Variants in ATE1 observed in about 807,000 individuals in gnomAD.
ATE1 encodes the protein arginyl-tRNA--protein transferase 1.
In ATE1, 36 loss-of-function variants were observed where a neutral mutation model predicts 70.5. The ratio of observed to expected loss-of-function variants is 0.51; its 90% confidence interval spans 0.39 to 0.67. The LOEUF is 0.67. Ranked by LOEUF, ATE1 falls within the 30% of genes least tolerant of loss-of-function variation. The pLI is 0.00. For missense variants in ATE1, 593 were observed against 629.5 expected (o/e 0.94, Z 0.62); for synonymous variants, 232 against 219.3 (o/e 1.06, Z -0.51).
intron 5 of ATE1, among the ~76,000 whole-genome samples, chr10:121,904,533 T>C (rs1354012378): frequency 6.7e-6 from 1 of 148,492 alleles, no homozygotes; most frequent in African/African-American, 2.5e-5. Flanking sequence ...CCCAGCTACT[T>C]GGGAGGCTGA....
chr10:121,925,972 G>A (rs1037106215), intron 1 of ATE1, among the ~76,000 whole-genome samples: 5 of 151,998 alleles, frequency 3.3e-5, no homozygotes, highest in African/African-American at 1.2e-4. Context: ...TTGGGAGGCC[G>A]AGGCGGGTAG....
At chr10:121,871,486 CAGACT>C (rs1455790244) in intron 7 of ATE1, among the ~76,000 whole-genome samples, 1 of 152,004 alleles carries the variant, frequency 6.6e-6, no homozygotes, top group Non-Finnish European at 1.5e-5. Flanking sequence ...TAAGATAAAA[CAGACT>C]AGACATGACA....
At chr10:121,874,458 C>T (rs1341667283) in intron 7 of ATE1, among the ~76,000 whole-genome samples, 1 of 152,114 alleles carries the variant, frequency 6.6e-6, no homozygotes, top group African/African-American at 2.4e-5. Flanking sequence ...ACACAGCTAG[C>T]GCCCATTTAA....
intron 10 of ATE1, among the ~76,000 whole-genome samples, chr10:121,823,958 G>T (rs752113179): frequency 2.6e-5 from 4 of 152,140 alleles, no homozygotes; most frequent in Admixed American, 6.5e-5. Context: ...GCAAACTCTG[G>T]GCAAGCTAAC....
intron 11 of ATE1, among the ~76,000 whole-genome samples, chr10:121,776,362 G>GC (rs1435791765): frequency 2.7e-5 from 4 of 150,926 alleles, no homozygotes; most frequent in African/African-American, 9.8e-5. Flanking sequence ...TCAGTCATTG[G>GC]CCTCATGAAT....
At chr10:121,927,327 CTTTT>C in intron 1 of ATE1, 1 of 811,686 alleles carries the variant, frequency 1.2e-6, no homozygotes, top group Non-Finnish European at 1.5e-6. Flanking sequence ...GTTTCTTGTC[CTTTT>C]TTTTTTTAAC....
At chr10:121,885,132 G>A (rs546706137) in intron 7 of ATE1, among the ~76,000 whole-genome samples, 6 of 151,916 alleles carry the variant, frequency 3.9e-5, no homozygotes, top group South Asian at 2.1e-4. Context: ...GTGGTGGCAC[G>A]TGCCTGTAAT....
At chr10:121,800,567 T>C (rs1335878415) in intron 10 of ATE1, among the ~76,000 whole-genome samples, 1 of 152,214 alleles carries the variant, frequency 6.6e-6, no homozygotes, top group Non-Finnish European at 1.5e-5. Context: ...GCAGTCTATT[T>C]TGAAAGTTCA....
At chr10:121,747,447 C>G (rs1195081230) in intron 11 of ATE1, among the ~76,000 whole-genome samples, 1 of 152,132 alleles carries the variant, frequency 6.6e-6, no homozygotes, top group Non-Finnish European at 1.5e-5. Flanking sequence ...ATTTTCCCCC[C>G]AAACCTCTCC....
intron 8 of ATE1, among the ~76,000 whole-genome samples, chr10:121,855,656 AG>A (rs1345129353): frequency 1.3e-5 from 2 of 152,232 alleles, no homozygotes; most frequent in African/African-American, 4.8e-5. Context: ...GCTCTTAAAC[AG>A]AAGAGCTCTG....
At chr10:121,871,360 G>T (rs1399857379) in intron 7 of ATE1, among the ~76,000 whole-genome samples, 1 of 152,174 alleles carries the variant, frequency 6.6e-6, no homozygotes, top group African/African-American at 2.4e-5. Context: ...TTGGGAGGCT[G>T]AGGCAGGAGA....
chr10:121,769,834 A>G (rs1945428337), intron 11 of ATE1, among the ~76,000 whole-genome samples: 1 of 152,254 alleles, frequency 6.6e-6, no homozygotes, highest in South Asian at 2.1e-4. Flanking sequence ...ACATTAGAAC[A>G]GCTAAAATAA....
chr10:121,913,674 T>G, intron 4 of ATE1, 116 bp downstream of exon 4: 1 of 611,888 alleles, frequency 1.6e-6, no homozygotes, highest in South Asian at 2.6e-5. Flanking sequence ...GTCGCTGTCA[T>G]CATAGTAGTA....
At position 121,823,806 on chromosome 10, in the gene ATE1, T is replaced by G. The variant is rs567161293; in HGVS notation, c.1257+12912A>C. ...ATTCCCCTTAAAACTTACCTTTAAT[T>G]AACATGGCAAGTGCTTTAGGATACT... On this transcript the variant is annotated intron_variant, in intron 10 of 11. Coordinates refer to ENST00000224652, the MANE Select transcript of ATE1 (RefSeq NM_001001976.3). 8.5e-5 allele frequency among the ~76,000 whole-genome samples: 13 copies of G among 152,324 alleles called. 1 individual carries two copies. Among genetic ancestry groups the G allele is most frequent in the African/African-American group, 3.1e-4 (13 of 41,580 alleles).
intron 11 of ATE1, 57 bp from the exon 12 acceptor site, chr10:121,743,915 CCTT>C (rs1403914937): frequency 5.1e-6 from 6 of 1,169,438 alleles, no homozygotes; most frequent in Admixed American, 4.1e-5. Context: ...CTTTTTGTTT[CCTT>C]TTTTTTTTTT....
intron 4 of ATE1, among the ~76,000 whole-genome samples, chr10:121,913,332 C>G (rs1004730796): frequency 6.6e-6 from 1 of 152,200 alleles, no homozygotes; most frequent in Non-Finnish European, 1.5e-5. Flanking sequence ...GGATTTCAAA[C>G]AGTATAATTT....
intron 8 of ATE1, among the ~76,000 whole-genome samples, chr10:121,850,760 G>A (rs892272295): frequency 6.6e-6 from 1 of 152,106 alleles, no homozygotes; most frequent in African/African-American, 2.4e-5. Context: ...ACACTTTTCT[G>A]GCTATTTGAA....
rs371813960 is a variant in ATE1 at position 121,809,463 on chromosome 10, GA to G, written c.1258-19175del. Among the ~76,000 whole-genome samples the G allele has an allele frequency of 1.3e-3, 201 of 152,138 alleles. 3 individuals are homozygous for G. The East Asian group carries it at 0.015, about 12-fold the overall frequency. On this transcript the variant is annotated intron_variant, in intron 10 of 11. Coordinates refer to ENST00000224652, the MANE Select transcript of ATE1 (RefSeq NM_001001976.3). ...CCATTTCATCACACTGAATATGGGG[GA>G]AAAAACACATGTACTTATAATTAAA...
intron 2 of ATE1, among the ~76,000 whole-genome samples, chr10:121,924,019 C>T (rs894626282): frequency 1.2e-4 from 18 of 152,254 alleles, no homozygotes; most frequent in Admixed American, 8.5e-4. Context: ...ATTGGCAGAA[C>T]GTTAATAACT....
Sources: gnomAD v4.1 joint callset for allele counts (sites outside exome capture counted in the v4.1 genomes callset) on GRCh38, gnomAD v4.1.1 for gene constraint, MANE v1.5 for transcripts, NCBI Gene and HGNC (gene_info 2026-07-23, HGNC 2026-07-21) for gene names.